The following INSR variants were observed in gnomAD, a reference collection of about 807,000 sequenced individuals.
The protein encoded by INSR is insulin receptor.
In INSR, 67 loss-of-function variants were observed where a neutral mutation model predicts 142.6. The observed-to-expected ratio is 0.47, with a 90% CI of 0.39 to 0.58. The LOEUF is 0.58. INSR is among the 20% of genes least tolerant of loss of function. INSR has a pLI of 0.00. For synonymous variants in INSR, 756 were observed against 743.1 expected, an observed-to-expected ratio of 1.02 and a Z score of -0.28; for missense variants, 1,248 against 1,833.2, an observed-to-expected ratio of 0.68 and a Z score of 5.83.
chr19:7,252,274 T>G lies in INSR; in HGVS notation c.652+15071A>C, dbSNP rs151260973. On this transcript the variant is annotated intron_variant, in intron 2 of 21. Coordinates refer to ENST00000302850, the MANE Select transcript of INSR (RefSeq NM_000208.4). The stretch of plus-strand genomic sequence containing the variant: ...AAAATACAAAAAAAGTAGCCAGGCG[T>G]GGTGGTGTTCACCTATAATCCCAGT... Among the ~76,000 whole-genome samples the G allele has an allele frequency of 2.6e-3, 388 of 152,134 alleles. 2 individuals carry two copies. The highest frequency in any genetic ancestry group is 8.8e-3 in the African/African-American group (366 of 41,442).
At chr19:7,277,227 CAAG>C (rs1172273979) in intron 1 of INSR, among the ~76,000 whole-genome samples, 1 of 152,116 alleles carries the variant, frequency 6.6e-6, no homozygotes, top group Non-Finnish European at 1.5e-5. Flanking sequence ...CACCTGCCTG[CAAG>C]AATAGCTTTC....
chr19:7,120,832 G>C (rs1361299513), intron 19 of INSR, 83 bp from the exon 20 acceptor site: 30 of 1,562,816 alleles, frequency 1.9e-5, no homozygotes, highest in Non-Finnish European at 1.9e-5. Context: ...ACCTCTCACA[G>C]AGCCCTAAGA....
intron 3 of INSR, among the ~76,000 whole-genome samples, chr19:7,183,953 G>A (rs1787219352): frequency 6.6e-6 from 1 of 150,828 alleles, no homozygotes; most frequent in Non-Finnish European, 1.5e-5. Context: ...CAGCTGCTTG[G>A]GAGGCTGAGG....
intron 2 of INSR, among the ~76,000 whole-genome samples, chr19:7,250,467 A>C (rs1261067019): frequency 1.3e-5 from 1 of 75,028 alleles, no homozygotes; most frequent in African/African-American, 4.1e-5. Flanking sequence ...GGAAGAAAAG[A>C]AAGAAAGAAA....
chr19:7,188,028 C>T (rs1974476595), intron 2 of INSR, among the ~76,000 whole-genome samples: 1 of 152,070 alleles, frequency 6.6e-6, no homozygotes, highest in Non-Finnish European at 1.5e-5. Context: ...TTCTGCACCT[C>T]CCACCCACAC....
chr19:7,155,115 A>C (rs1973556046), intron 9 of INSR, among the ~76,000 whole-genome samples: 4 of 152,156 alleles, frequency 2.6e-5, no homozygotes, highest in Admixed American at 2.6e-4. Flanking sequence ...GTCTCAAAGA[A>C]AGTCACCACT....
At chr19:7,215,861 AC>A (rs1975417606) in intron 2 of INSR, among the ~76,000 whole-genome samples, 1 of 150,406 alleles carries the variant, frequency 6.6e-6, no homozygotes, top group Non-Finnish European at 1.5e-5. Context: ...GAGCCACCAC[AC>A]CCAACCCTGA....
intron 9 of INSR, among the ~76,000 whole-genome samples, chr19:7,155,881 T>TCCAGC (rs1486119613): frequency 6.7e-6 from 1 of 150,232 alleles, no homozygotes; most frequent in African/African-American, 2.4e-5. Flanking sequence ...GCCACTGCAC[T>TCCAGC]CCAGCCTGGG....
At chr19:7,263,071 G>A (rs1353829958) in intron 2 of INSR, among the ~76,000 whole-genome samples, 1 of 152,018 alleles carries the variant, frequency 6.6e-6, no homozygotes, top group African/African-American at 2.4e-5. Context: ...CGAGGCCAGG[G>A]GTTTGAGACC....
Position 7,168,209 on chromosome 19 carries a change from A to G in INSR, c.1484-115T>C, listed in dbSNP as rs976606798. On this transcript the variant is annotated intron_variant, in intron 6 of 21. Coordinates refer to ENST00000302850, the MANE Select transcript of INSR (RefSeq NM_000208.4). The surrounding 1 kb of genome is among the most constrained non-coding windows in gnomAD (Gnocchi z 4.3). ...GTGAGAAGGCAGAGGTGACGCTGCTATTCCCTTAAGGGTCTCCTCCCCATG... is the reference window on the plus strand; with the variant it reads ...GTGAGAAGGCAGAGGTGACGCTGCTGTTCCCTTAAGGGTCTCCTCCCCATG... 8.6e-6 allele frequency: 9 copies of G among 1,044,296 alleles called. No individual in the cohort carries two copies. In the African/African-American group the frequency reaches 9.5e-5, roughly 11 times the overall value. The allele number at this position is 1,044,296 out of a possible 1,614,324, so 64.7% of individuals were successfully genotyped here. A position where few individuals can be genotyped will look rare whatever the true frequency, so the allele number is the denominator to read the frequency against.
chr19:7,128,726 G>A, intron 15 of INSR, 126 bp downstream of exon 15: 2 of 686,682 alleles, frequency 2.9e-6, no homozygotes, highest in Non-Finnish European at 5.3e-6. Flanking sequence ...TCTGTAAATT[G>A]CATGTTACAC....
intron 11 of INSR, among the ~76,000 whole-genome samples, chr19:7,146,727 C>T (rs1165885053): frequency 6.6e-6 from 1 of 152,172 alleles, no homozygotes; most frequent in East Asian, 1.9e-4. Flanking sequence ...TTATTTGACA[C>T]ATATCTTTTT....
At chr19:7,211,599 T>C (rs1421551026) in intron 2 of INSR, among the ~76,000 whole-genome samples, 1 of 152,130 alleles carries the variant, frequency 6.6e-6, no homozygotes, top group Non-Finnish European at 1.5e-5. Flanking sequence ...AAAAGAAAAG[T>C]GCACCATCAA....
At position 7,166,041 on chromosome 19, in the gene INSR, A is replaced by AG; in HGVS notation, c.1861+112_1861+113insC. On this transcript the variant is annotated intron_variant, in intron 8 of 21. Transcript: ENST00000302850. The surrounding 1 kb of genome is among the most constrained non-coding windows in gnomAD (Gnocchi z 4.1). ...AAAGTAAGACCCTGTCTAAAAAAAA[A>AG]AAAAAAGCCAATAACCATATCAAGG... 1 of 1,257,916 alleles carries AG rather than the reference A, an allele frequency of 7.9e-7. No individual in the cohort carries two copies. Among genetic ancestry groups the AG allele is most frequent in the Non-Finnish European group, 1.1e-6 (1 of 892,902 alleles). The allele number at this position is 1,257,916 out of a possible 1,614,324, so 77.9% of individuals were successfully genotyped here. A position where few individuals can be genotyped will look rare whatever the true frequency, so the allele number is the denominator to read the frequency against.
chr19:7,186,247 C>G lies in INSR; in HGVS notation c.653-1610G>C, dbSNP rs538525163. Among the ~76,000 whole-genome samples, 35 of 152,074 alleles carry G rather than the reference C, an allele frequency of 2.3e-4. 1 individual carries two copies. The South Asian group carries it at 7.3e-3, about 32-fold the overall frequency. On this transcript the variant is annotated intron_variant, in intron 2 of 21. Coordinates refer to ENST00000302850, the MANE Select transcript of INSR (RefSeq NM_000208.4). The stretch of plus-strand genomic sequence containing the variant: ...ATAAGAAAGAAAGTTGGGGAGTGTT[C>G]TTCACCCCAAATCCCCAGACTGTGA...
chr19:7,151,160 T>TTC (rs377580247), intron 10 of INSR, among the ~76,000 whole-genome samples: 461 of 7,300 alleles, frequency 0.063, 5 homozygotes, highest in Middle Eastern at 0.12. Flanking sequence ...CTTTCTTTCT[T>TTC]TCTCTTTCTT....
At chr19:7,147,485 T>TAAC (rs1973213552) in intron 11 of INSR, among the ~76,000 whole-genome samples, 1 of 152,292 alleles carries the variant, frequency 6.6e-6, no homozygotes, top group East Asian at 1.9e-4. Flanking sequence ...TGTAAGTGTT[T>TAAC]AACTTTTAAC....
chr19:7,229,066 G>A (rs1256093184), intron 2 of INSR, among the ~76,000 whole-genome samples: 1 of 150,816 alleles, frequency 6.6e-6, no homozygotes, highest in Non-Finnish European at 1.5e-5. Flanking sequence ...TGGATGAATG[G>A]ATGAGTGGAT....
chr19:7,150,475 G>A lies in INSR; in HGVS notation c.2267+22C>T, dbSNP rs1973309245. 6.2e-7 allele frequency: 1 copy of A among 1,612,642 alleles called. No homozygotes were observed. The highest frequency in any genetic ancestry group is 8.5e-7 in the Non-Finnish European group (1 of 1,178,830). On this transcript the variant is annotated intron_variant, in intron 11 of 21. Transcript: ENST00000302850. This position sits in a 1 kb window ranked among gnomAD's most constrained non-coding sequence, Gnocchi z 4.2. Reference sequence around the variant, plus strand: ...CGGCCCTGCGCGGAGCAGGCACCAGGGGTCGCACAGGTGAGTCATACCTAG... The same window carrying A: ...CGGCCCTGCGCGGAGCAGGCACCAGAGGTCGCACAGGTGAGTCATACCTAG...
Sources: gnomAD v4.1 joint callset for allele counts (sites outside exome capture counted in the v4.1 genomes callset) on GRCh38, gnomAD v4.1.1 for gene constraint, Gnocchi (gnomAD v3.1) non-coding constraint, MANE v1.5 for transcripts, NCBI Gene and HGNC (gene_info 2026-07-23, HGNC 2026-07-21) for gene names.